SPTBN5: variants seen among roughly 807,000 people sequenced by gnomAD.
SPTBN5 encodes spectrin beta, non-erythrocytic 5, also known as spectrin beta chain, non-erythrocytic 5.
A neutral mutation model predicts 477.6 loss-of-function variants in SPTBN5; 513 were observed. The ratio of observed to expected loss-of-function variants is 1.07; its 90% CI spans 1.00 to 1.16. SPTBN5 has a LOEUF of 1.16. Among genes scored for constraint, SPTBN5 ranks in the 50% most tolerant of loss-of-function variants. The pLI is 0.00. For missense variants in SPTBN5, 5,062 were observed against 4,731.8 expected (o/e 1.07, Z -2.05); for synonymous variants, 2,169 against 2,011.7 (o/e 1.08, Z -2.09).
chr15:41,887,279 G>T lies in SPTBN5; in HGVS notation c.822C>A (p.Val274=). The stretch of plus-strand genomic sequence containing the variant: ...GGGAGCAGTAGTGGTAGTAGAGGGA[G>T]ACGTAGGTCATGATAGAGCGCTCAT... ...QPDERSIMTY[V]SLYYHYCSRL... is the part of the protein sequence containing the mutation. Residue 274 remains valine (V), a synonymous_variant, in exon 6 of 68, where the codon GTC becomes GTA. Coordinates refer to ENST00000320955, the MANE Select transcript of SPTBN5 (RefSeq NM_016642.4). 1 of 1,551,406 alleles carries T rather than the reference G, an allele frequency of 6.4e-7. No individual in the cohort carries two copies. Among genetic ancestry groups the T allele is most frequent in the African/African-American group, 1.4e-5 (1 of 73,180 alleles).
chr15:41,866,696 A>G, intron 36 of SPTBN5: 1 of 747,814 alleles, frequency 1.3e-6, no homozygotes, highest in Non-Finnish European at 2.0e-6. Flanking sequence ...CTCGTTTTGG[A>G]GGTGTGGCCC....
intron 53 of SPTBN5, 94 bp downstream of exon 53, chr15:41,856,292 G>A: frequency 1.7e-6 from 2 of 1,185,190 alleles, no homozygotes. Context: ...GGAGACGAAA[G>A]GTGCCCAGGC....
In SPTBN5 at chr15:41,882,588, G is replaced by C. The variant is rs1482334895; in HGVS notation, c.2043C>G (p.His681Gln). The change falls in exon 10 of 68, where the codon CAC (histidine) becomes CAG (glutamine). Residue 681 changes from histidine (H) to glutamine (Q), a missense_variant. Coordinates refer to ENST00000320955, the MANE Select transcript of SPTBN5 (RefSeq NM_016642.4). ...LSQIAGALQKHKALEAEVHRH... is the reference protein window; with the variant it reads ...LSQIAGALQKQKALEAEVHRH... ...GGCGCGCTCGGGGAGCTGACACCTT[G>C]TGTTTCTGCAGGGCGCCTGCGATCT... 6.3e-7 allele frequency: 1 copy of C among 1,599,768 alleles called. No homozygotes were observed. Among genetic ancestry groups the C allele is most frequent in the Non-Finnish European group, 8.5e-7 (1 of 1,174,696 alleles).
At position 41,876,091 on chromosome 15, in the gene SPTBN5, A is replaced by G. The variant is rs1372191286; in HGVS notation, c.4122+23T>C. On this transcript the variant is annotated intron_variant, in intron 21 of 67. Transcript: ENST00000320955. Reference sequence around the variant, plus strand: ...GAATTTGAAGACAAGGAGGCTCTGCACCCTCTGTCCCGTGTCCCCCACCTG... The same window carrying G: ...GAATTTGAAGACAAGGAGGCTCTGCGCCCTCTGTCCCGTGTCCCCCACCTG... 4.4e-6 allele frequency: 7 copies of G among 1,583,942 alleles called. No homozygotes were observed. The African/African-American group carries it at 8.0e-5, about 18-fold the overall frequency.
rs776087618 is a variant in SPTBN5, at chr15:41,869,954, C to A, written c.5740G>T (p.Val1914Leu). Reference sequence around the variant, plus strand: ...GTCACAGCTTGCTGCCTCTGCTGCACCGCATGGGCCTGAGGCCCCGGACAC... The same window carrying A: ...GTCACAGCTTGCTGCCTCTGCTGCAACGCATGGGCCTGAGGCCCCGGACAC... ...KLCPGPQAHA[V>L]QQRQQAVTQA... The change falls in exon 32 of 68, where the codon GTG becomes TTG. Residue 1914 changes from valine (V) to leucine (L), a missense_variant. By Grantham distance (32) the Val-to-Leu change is conservative. Coordinates refer to ENST00000320955, the MANE Select transcript of SPTBN5 (RefSeq NM_016642.4). 1.5e-5 allele frequency: 23 copies of A among 1,549,300 alleles called. No individual in the cohort carries two copies. Among genetic ancestry groups the A allele is most frequent in the Non-Finnish European group, 1.8e-5 (21 of 1,145,510 alleles).
In SPTBN5 at chr15:41,882,377, C is replaced by T; in HGVS notation, c.2139G>A (p.Gln713=). Residue 713 remains glutamine, a synonymous_variant, in exon 11 of 68, where the codon CAG becomes CAA. Transcript: ENST00000320955. ...RDLSARRPPT[Q]PDPGERAEAV... ...CCTCTGCCCGTTCCCCGGGATCCGG[C>T]TGCGTTGGGGGCCTGCGGGCGCTGA... 6.5e-7 allele frequency: 1 copy of T among 1,537,290 alleles called. No homozygotes were observed. Among genetic ancestry groups the T allele is most frequent in the Non-Finnish European group, 8.7e-7 (1 of 1,147,404 alleles).
rs2067112839 is a variant in SPTBN5, at chr15:41,885,299, C to T, written c.1520+436G>A. Among the ~76,000 whole-genome samples, 3 of 152,242 alleles carry T rather than the reference C, an allele frequency of 2.0e-5. No homozygotes were observed. In the South Asian group the frequency reaches 6.2e-4, roughly 31 times the overall value. ...ACGGCCTCCCAACGTGCTGGGATTACAGGCATGAGCCACCGCGCCCGGCCT... is the reference window on the plus strand; with the variant it reads ...ACGGCCTCCCAACGTGCTGGGATTATAGGCATGAGCCACCGCGCCCGGCCT... On this transcript the variant is annotated intron_variant, in intron 7 of 67. Coordinates refer to ENST00000320955, the MANE Select transcript of SPTBN5 (RefSeq NM_016642.4).
In SPTBN5 at chr15:41,876,612, C is replaced by T. The variant is rs764195162; in HGVS notation, c.3887G>A (p.Trp1296Ter). The T allele has an allele frequency of 3.7e-6, 6 of 1,603,430 alleles. No homozygotes were observed. The highest frequency in any genetic ancestry group is 5.1e-6 in the Non-Finnish European group (6 of 1,176,378). ...CTCACTCCTCCCCTGGAGCCTGGTCCACTGTGCCTGGATACTCTGCAGCTG... is the reference window on the plus strand; with the variant it reads ...CTCACTCCTCCCCTGGAGCCTGGTCTACTGTGCCTGGATACTCTGCAGCTG... ...REQLQSIQAQ[W>*]TRLQGRSEQR... The change falls in exon 20 of 68, where the codon TGG becomes TAG. Residue 1296 changes from tryptophan (W) to a stop codon, truncating the protein, a stop_gained. Coordinates refer to ENST00000320955, the MANE Select transcript of SPTBN5 (RefSeq NM_016642.4). LOFTEE classifies it high-confidence loss of function.
In SPTBN5 at chr15:41,881,205, T is replaced by C. The variant is rs1241009968; in HGVS notation, c.2487A>G (p.Glu829=). 2 of 1,611,964 alleles carry C rather than the reference T, an allele frequency of 1.2e-6. No individual in the cohort carries two copies. Among genetic ancestry groups the C allele is most frequent in the Non-Finnish European group, 1.7e-6 (2 of 1,179,606 alleles). The part of the protein sequence containing the change: ...TVNSALSPPG[E]SLRNPGPWSE... Reference sequence around the variant, plus strand: ...TCCAGGGCCCTGGGTTCCTCAGGCTTTCTCCTGGAGGGCTCAGGGCAGAGT... The same window carrying C: ...TCCAGGGCCCTGGGTTCCTCAGGCTCTCTCCTGGAGGGCTCAGGGCAGAGT... The change falls in exon 13 of 68, where the codon GAA becomes GAG. Residue 829 remains glutamate (E), a synonymous_variant. Coordinates refer to ENST00000320955, the MANE Select transcript of SPTBN5 (RefSeq NM_016642.4).
At chr15:41,856,648 C>T in intron 52 of SPTBN5, 50 bp from the exon 53 acceptor site, 2 of 1,492,870 alleles carry the variant, frequency 1.3e-6, no homozygotes, top group East Asian at 2.5e-5. Context: ...CCTTGGGGGA[C>T]TCCCACAGTT....
chr15:41,852,423 C>A (rs1048508539), intron 61 of SPTBN5, 107 bp from the exon 62 acceptor site: 1 of 1,419,998 alleles, frequency 7.0e-7, no homozygotes, highest in Non-Finnish European at 9.5e-7. Context: ...CAGAGGGGGC[C>A]TGCCTCCCCA....
Position 41,881,920 on chromosome 15 carries a change from C to T in SPTBN5, c.2457+16G>A. The T allele has an allele frequency of 6.6e-7, 1 of 1,522,604 alleles. No individual in the cohort carries two copies. Among genetic ancestry groups the T allele is most frequent in the Admixed American group, 2.0e-5 (1 of 49,978 alleles). 94.3% of individuals were successfully genotyped at this position (1,522,604 alleles called of 1,614,324 possible). On this transcript the variant is annotated intron_variant, in intron 12 of 67. Transcript: ENST00000320955. ...AGCAAGGGAGACCAGGCGCCCTTCC[C>T]TGTCCCCGTCCTCACCGTGAATAAC...
At position 41,879,391 on chromosome 15, in the gene SPTBN5, TC is replaced by T; in HGVS notation, c.3050del (p.Arg1017GlnfsTer44). ...QECGPTQVQL[R>X]DVLLQLEALQ... ...GGGCCTCCAGCTGGAGGAGCACGTCTCGCAGCTGGACCTGTGTGGGTCCACA... is the reference window on the plus strand; with the variant it reads ...GGGCCTCCAGCTGGAGGAGCACGTCTGCAGCTGGACCTGTGTGGGTCCACA... On this transcript the variant is annotated frameshift_variant, in exon 16 of 68. Transcript: ENST00000320955. LOFTEE classifies it high-confidence loss of function. 1 of 1,610,706 alleles carries T rather than the reference TC, an allele frequency of 6.2e-7. No homozygotes were observed. The highest frequency in any genetic ancestry group is 8.5e-7 in the Non-Finnish European group (1 of 1,179,822).
rs759265201 is a variant in SPTBN5 at position 41,855,442 on chromosome 15, G to T, written c.9219-14C>A. The stretch of plus-strand genomic sequence containing the variant: ...AGCACCTTGGGGCTGTGGGAAGAGA[G>T]CGACAGTCTGGACTGCAGCCCTGCC... On this transcript the variant is annotated splice_polypyrimidine_tract_variant and intron_variant, in intron 54 of 67. Transcript: ENST00000320955. 6.3e-6 allele frequency: 10 copies of T among 1,597,492 alleles called. No individual in the cohort carries two copies. The highest frequency in any genetic ancestry group is 3.3e-4 in the Middle Eastern group (2 of 6,020).
intron 34 of SPTBN5, among the ~76,000 whole-genome samples, 167 bp downstream of exon 34, chr15:41,867,902 G>T (rs996949396): frequency 1.3e-5 from 2 of 152,246 alleles, no homozygotes; most frequent in Non-Finnish European, 2.9e-5. Flanking sequence ...GTCAGTGGAC[G>T]CTCAGGGGCC....
At position 41,871,615 on chromosome 15, in the gene SPTBN5, G is replaced by A. The variant is rs2066539176; in HGVS notation, c.5302-95C>T. The A allele has an allele frequency of 2.8e-6, 4 of 1,415,826 alleles. No homozygotes were observed. In the African/African-American group the frequency reaches 5.9e-5, roughly 21 times the overall value. 87.7% of individuals were successfully genotyped at this position (1,415,826 alleles called of 1,614,324 possible). A position where few individuals can be genotyped will look rare whatever the true frequency, so the allele number is the denominator to read the frequency against. ...GCACCTCAGTGCCCAACTGGGTGAT[G>A]TGGGCTTGGATAGCCACGGCGTCTG... On this transcript the variant is annotated intron_variant, in intron 28 of 67. Transcript: ENST00000320955.
At chr15:41,849,506 A>G (rs894146929) in intron 67 of SPTBN5, among the ~76,000 whole-genome samples, 1 of 152,154 alleles carries the variant, frequency 6.6e-6, no homozygotes, top group African/African-American at 2.4e-5. Context: ...TGAGGAGTGC[A>G]TGGGAAACAA....
chr15:41,874,356 T>A lies in SPTBN5; in HGVS notation c.4625A>T (p.His1542Leu), dbSNP rs1313328677. The A allele has an allele frequency of 6.2e-7, 1 of 1,613,876 alleles. No homozygotes were observed. The highest frequency in any genetic ancestry group is 8.5e-7 in the Non-Finnish European group (1 of 1,179,872). Residue 1542 changes from histidine to leucine, a missense_variant, in exon 24 of 68, where the codon CAT (histidine) becomes CTT (leucine). Transcript: ENST00000320955. ...CTCGGTATAGCTGGTGGGGCTGCCA[T>A]GGGGCATGTGCTCGGCTACCCAAGA... Reference protein sequence around the residue: ...ELSWVAEHMPHGSPTSYTECL... With the variant: ...ELSWVAEHMPLGSPTSYTECL...
chr15:41,854,805 G>T lies in SPTBN5; in HGVS notation c.9595C>A (p.Gln3199Lys), dbSNP rs1416783689. The T allele has an allele frequency of 1.9e-6, 3 of 1,561,480 alleles. No homozygotes were observed. Among genetic ancestry groups the T allele is most frequent in the South Asian group, 2.4e-5 (2 of 83,612 alleles). Residue 3199 changes from glutamine (Q) to lysine (K), a missense_variant, in exon 56 of 68, where the codon CAA becomes AAA. By Grantham distance (53) the Gln-to-Lys change is moderately conservative (BLOSUM62 1). Coordinates refer to ENST00000320955, the MANE Select transcript of SPTBN5 (RefSeq NM_016642.4). ...RIEAAWERLD[Q>K]AIKARTENLA... ...ACCTCTGTGCGGGCTTTTATTGCTT[G>T]GTCCAACCTCTCCCAAGCAGCCTCA...
Sources: gnomAD v4.1 joint callset for allele counts (sites outside exome capture counted in the v4.1 genomes callset) on GRCh38, gnomAD v4.1.1 for gene constraint, MANE v1.5 for transcripts, NCBI Gene and HGNC (gene_info 2026-07-23, HGNC 2026-07-21) for gene names.